TSPAN7: variants seen among roughly 807,000 people sequenced by gnomAD.
The protein encoded by TSPAN7 is tetraspanin 7.
A neutral mutation model predicts 17.6 loss-of-function variants in TSPAN7; 1 was observed. The ratio of observed to expected loss-of-function variants is 0.06; its 90% CI spans 0.02 to 0.27. The LOEUF (loss-of-function observed/expected upper bound fraction) is 0.27. TSPAN7 is among the 10% of genes least tolerant of loss of function. TSPAN7 has a pLI of 1.00. For missense variants in TSPAN7, 112 were observed against 201.7 expected (o/e 0.56, Z 2.69); for synonymous variants, 78 against 79.0 (o/e 0.99, Z 0.07).
chrX:38,594,016 T>C (rs2069305529), intron 1 of TSPAN7, among the ~76,000 whole-genome samples: 1 of 111,947 alleles, frequency 8.9e-6, no homozygotes, highest in African/African-American at 3.2e-5. Context: ...TAGCCTTCTT[T>C]CTCTGATAGT....
intron 1 of TSPAN7, among the ~76,000 whole-genome samples, chrX:38,613,801 A>T (rs1225910926): frequency 9.1e-6 from 1 of 110,348 alleles, no homozygotes; most frequent in Non-Finnish European, 1.9e-5. Flanking sequence ...TCCTTTGGAT[A>T]TTTTCCTGGC....
intron 1 of TSPAN7, among the ~76,000 whole-genome samples, chrX:38,577,356 C>T (rs369828197): frequency 1.2e-4 from 13 of 111,243 alleles, no homozygotes; most frequent in Admixed American, 3.8e-4. Context: ...TCCCCACCAT[C>T]TGCCATGGTC....
At chrX:38,643,799 C>T (rs1311544432) in intron 1 of TSPAN7, among the ~76,000 whole-genome samples, 5 of 110,861 alleles carry the variant, frequency 4.5e-5, no homozygotes, top group African/African-American at 9.9e-5. Flanking sequence ...GAGCCGAGAT[C>T]GCGCCACTGC....
chrX:38,604,380 A>G (rs1569305604), intron 1 of TSPAN7, among the ~76,000 whole-genome samples: 1 of 108,943 alleles, frequency 9.2e-6, no homozygotes, highest in East Asian at 2.9e-4. Context: ...TCCTTTGGGT[A>G]TATACCCAGT....
intron 1 of TSPAN7, among the ~76,000 whole-genome samples, 159 bp downstream of exon 1, chrX:38,561,786 T>A (rs2069112398): frequency 9.1e-6 from 1 of 110,460 alleles, no homozygotes; most frequent in African/African-American, 3.3e-5. Flanking sequence ...GGCTGCAGGA[T>A]GGCAGGGTGC....
intron 1 of TSPAN7, among the ~76,000 whole-genome samples, chrX:38,562,351 C>G (rs1416800587): frequency 8.9e-6 from 1 of 111,761 alleles, no homozygotes; most frequent in African/African-American, 3.3e-5. Context: ...GGTTCTGTCA[C>G]TGCATGAGCA....
chrX:38,678,091 T>A (rs1181144740), intron 5 of TSPAN7, among the ~76,000 whole-genome samples: 1 of 112,232 alleles, frequency 8.9e-6, no homozygotes, highest in Non-Finnish European at 1.9e-5. Flanking sequence ...GAGGAAAATA[T>A]GAACAGTTAA....
chrX:38,675,818 T>A lies in TSPAN7; in HGVS notation c.555T>A (p.Asp185Glu). 1 of 1,211,473 alleles carries A rather than the reference T, an allele frequency of 8.3e-7. No individual in the cohort carries two copies. Among genetic ancestry groups the A allele is most frequent in the Non-Finnish European group, 1.1e-6 (1 of 895,420 alleles). ...CMNETDCNPQ[D>E]LHNLTVAATK... is the part of the protein sequence containing the mutation. ...ACGAAACTGATTGTAATCCCCAGGA[T>A]CTACACAATCTGACTGTGGCCGCCA... Residue 185 changes from aspartate to glutamate, a missense_variant, in exon 5 of 8, where the codon GAT (aspartate) becomes GAA (glutamate). Physicochemically the swap from Asp to Glu is conservative, Grantham distance 45. Transcript: ENST00000378482.
chrX:38,608,875 T>G (rs375644400), intron 1 of TSPAN7, among the ~76,000 whole-genome samples: 7 of 111,912 alleles, frequency 6.3e-5, no homozygotes, highest in African/African-American at 2.3e-4. Flanking sequence ...TTATCGCAGA[T>G]ATTTTCCCAT....
chrX:38,578,643 A>C (rs1459886003), intron 1 of TSPAN7, among the ~76,000 whole-genome samples: 1 of 110,675 alleles, frequency 9.0e-6, no homozygotes, highest in African/African-American at 3.3e-5. Flanking sequence ...CTAGATGACA[A>C]ATGGAGGAAA....
intron 2 of TSPAN7, among the ~76,000 whole-genome samples, chrX:38,667,906 T>C (rs2069793294): frequency 8.9e-6 from 1 of 112,347 alleles, no homozygotes; most frequent in Non-Finnish European, 1.9e-5. Flanking sequence ...CACTAGCTGG[T>C]TGAAGTAGAC....
chrX:38,637,086 T>C (rs1303539910), intron 1 of TSPAN7, among the ~76,000 whole-genome samples: 1 of 111,960 alleles, frequency 8.9e-6, no homozygotes, highest in Non-Finnish European at 1.9e-5. Context: ...TGAGGCTCAT[T>C]GTTACATCCT....
At chrX:38,634,193 AG>A (rs1167020481) in intron 1 of TSPAN7, among the ~76,000 whole-genome samples, 1 of 112,102 alleles carries the variant, frequency 8.9e-6, no homozygotes, top group African/African-American at 3.2e-5. Context: ...CTGACAAGAA[AG>A]TCCTTGAAGT....
At chrX:38,666,984 A>G (rs2069786856) in intron 2 of TSPAN7, among the ~76,000 whole-genome samples, 2 of 112,090 alleles carry the variant, frequency 1.8e-5, no homozygotes, top group African/African-American at 6.5e-5. Context: ...AGCATCCTGA[A>G]CATAAGCAGA....
In TSPAN7 at chrX:38,604,992, A is replaced by G. The variant is rs748253397; in HGVS notation, c.81+43365A>G. 3.1e-3 allele frequency among the ~76,000 whole-genome samples: 341 copies of G among 111,411 alleles called. 2 individuals carry two copies. Among genetic ancestry groups the G allele is most frequent in the African/African-American group, 0.011 (327 of 30,538 alleles). On this transcript the variant is annotated intron_variant, in intron 1 of 7. Transcript: ENST00000378482. ...AAAACTGGATGCATTCCCTTTGAAA[A>G]CTGGCACAAGACAAGGATGCCCTCT...
intron 1 of TSPAN7, among the ~76,000 whole-genome samples, chrX:38,619,182 C>T (rs771905128): frequency 3.1e-4 from 34 of 110,843 alleles, no homozygotes; most frequent in African/African-American, 1.0e-3. Flanking sequence ...TCTCAGGCCT[C>T]CTGCTTGACT....
At chrX:38,656,496 G>A (rs1463703393) in intron 1 of TSPAN7, among the ~76,000 whole-genome samples, 1 of 111,499 alleles carries the variant, frequency 9.0e-6, no homozygotes, top group African/African-American at 3.3e-5. Flanking sequence ...GACTGTTAGT[G>A]CTCCTGGCAC....
At chrX:38,658,121 G>C (rs909653775) in intron 1 of TSPAN7, among the ~76,000 whole-genome samples, 61 of 110,902 alleles carry the variant, frequency 5.5e-4, no homozygotes, top group Non-Finnish European at 1.0e-3. Flanking sequence ...AAAATAAAGA[G>C]TACCCTGTCT....
intron 1 of TSPAN7, among the ~76,000 whole-genome samples, chrX:38,662,982 C>T (rs142775047): frequency 0.015 from 1,659 of 110,358 alleles, 33 homozygotes; most frequent in African/African-American, 0.052. Flanking sequence ...TTTGTTTGCA[C>T]CCACTGGCAA....
Sources: allele counts gnomAD v4.1 joint callset (sites outside exome capture counted in the v4.1 genomes callset), GRCh38; gene constraint gnomAD v4.1.1; transcripts MANE v1.5; gene names NCBI Gene and HGNC (gene_info 2026-07-23, HGNC 2026-07-21).